STS: variants seen among roughly 807,000 people sequenced by gnomAD.
STS encodes steroid sulfatase.
Under a neutral mutation model 26.8 loss-of-function variants are expected in STS, and 7 were observed. The observed-to-expected ratio is 0.26, with a 90% CI of 0.15 to 0.49. The LOEUF is 0.49. Among genes scored for constraint, STS ranks in the 20% least tolerant of loss-of-function variants. The pLI, the probability that STS is intolerant of heterozygous loss-of-function variation, is 0.98. For synonymous variants in STS, 199 were observed against 189.4 expected (o/e 1.05, Z -0.42); for missense variants, 434 against 465.6 (o/e 0.93, Z 0.63).
intron 9 of STS, among the ~76,000 whole-genome samples, chrX:7,327,206 G>C (rs1164026677): frequency 4.5e-5 from 5 of 110,673 alleles, no homozygotes; most frequent in African/African-American, 1.6e-4. Context: ...AAAGGTGATA[G>C]TGAGAAAGAC....
chrX:7,153,764 TTCC>T (rs1351459065), intron 1 of STS, among the ~76,000 whole-genome samples: 1 of 96,493 alleles, frequency 1.0e-5, no homozygotes, highest in Non-Finnish European at 2.1e-5. Context: ...CTCCCTTCCT[TTCC>T]TCCTTCTCTC....
intron 2 of STS, among the ~76,000 whole-genome samples, chrX:7,234,102 C>G (rs1230809343): frequency 9.0e-6 from 1 of 111,716 alleles, no homozygotes; most frequent in East Asian, 2.8e-4. Context: ...GCCTGATTTC[C>G]CCTGTAACAT....
At chrX:7,228,300 G>T (rs886432122) in intron 2 of STS, among the ~76,000 whole-genome samples, 1 of 111,516 alleles carries the variant, frequency 9.0e-6, no homozygotes, top group South Asian at 3.8e-4. Context: ...AGGAAATTCT[G>T]TACTGTTTTT....
chrX:7,242,541 A>G (rs999205165), intron 2 of STS, among the ~76,000 whole-genome samples: 13 of 109,851 alleles, frequency 1.2e-4, no homozygotes, highest in Non-Finnish European at 1.9e-4. Flanking sequence ...TTGAGGCTGC[A>G]GTGAGCCGTG....
In STS at chrX:7,295,684, A is replaced by C. The variant is rs139315071; in HGVS notation, c.944-9362A>C. 1.4e-3 allele frequency among the ~76,000 whole-genome samples: 152 copies of C among 111,156 alleles called. 1 individual carries two copies. Among genetic ancestry groups the C allele is most frequent in the African/African-American group, 4.7e-3 (145 of 30,631 alleles). ...CATTGGTATTAAGGATCTTGGGGAAAGATCTGCTTCTCTCGACTAACACTG... is the reference window on the plus strand; with the variant it reads ...CATTGGTATTAAGGATCTTGGGGAACGATCTGCTTCTCTCGACTAACACTG... On this transcript the variant is annotated intron_variant, in intron 7 of 10. Coordinates refer to ENST00000674429, the MANE Select transcript of STS (RefSeq NM_001320752.2).
chrX:7,170,333 C>T (rs1286342284), intron 1 of STS, among the ~76,000 whole-genome samples: 1 of 108,367 alleles, frequency 9.2e-6, no homozygotes, highest in Admixed American at 9.9e-5. Flanking sequence ...GGGAGGGGTA[C>T]GGGGGGTGTC....
intron 2 of STS, among the ~76,000 whole-genome samples, chrX:7,249,132 A>G (rs1323185900): frequency 9.0e-6 from 1 of 110,572 alleles, no homozygotes; most frequent in African/African-American, 3.3e-5. Context: ...GAGAAGCAGT[A>G]TGGGCCATAG....
At chrX:7,333,769 G>A (rs1382160751) in intron 9 of STS, among the ~76,000 whole-genome samples, 2 of 112,712 alleles carry the variant, frequency 1.8e-5, no homozygotes, top group Non-Finnish European at 3.7e-5. Flanking sequence ...TGTGCAGTGG[G>A]GATGACAGTA....
intron 8 of STS, among the ~76,000 whole-genome samples, chrX:7,320,014 TTATA>T (rs1320877104): frequency 2.3e-5 from 2 of 87,772 alleles, no homozygotes; most frequent in East Asian, 6.2e-4. Flanking sequence ...ATATATATAT[TTATA>T]TATATTTATA....
chrX:7,265,272 C>T (rs747156364), intron 6 of STS, among the ~76,000 whole-genome samples: 2 of 111,667 alleles, frequency 1.8e-5, no homozygotes, highest in African/African-American at 6.5e-5. Flanking sequence ...TCTTCATCTA[C>T]CACAAATCTC....
In STS at chrX:7,257,351, C is replaced by G; in HGVS notation, c.247C>G (p.Pro83Ala). Residue 83 changes from proline (P) to alanine (A), a missense_variant, in exon 4 of 11, where the codon CCT becomes GCT. Around this residue, in one of 2 missense-constraint regions of STS, gnomAD observed 229 missense variants for 288.3 expected, o/e 0.79. Transcript: ENST00000674429. ...GGCAGCCTTCATGACTGGCCGGTAC[C>G]CTGTCCGATCAGGTAACCTCCTATC... ...SRAAFMTGRY[P>A]VRSGMASWSR... 8.3e-7 allele frequency: 1 copy of G among 1,211,795 alleles called. No individual in the cohort carries two copies. Among genetic ancestry groups the G allele is most frequent in the Non-Finnish European group, 1.1e-6 (1 of 895,320 alleles).
chrX:7,202,551 G>A (rs968073519), intron 2 of STS, among the ~76,000 whole-genome samples: 1 of 111,770 alleles, frequency 8.9e-6, no homozygotes, highest in Admixed American at 9.6e-5. Flanking sequence ...ACGTTAGGTG[G>A]AACTGTTGTA....
chrX:7,259,489 A>G lies in STS; in HGVS notation c.523A>G (p.Thr175Ala). Residue 175 changes from threonine (T) to alanine (A), a missense_variant, in exon 6 of 11, where the codon ACG becomes GCG. Coordinates refer to ENST00000674429, the MANE Select transcript of STS (RefSeq NM_001320752.2). Reference sequence around the variant, plus strand: ...GCCCGGAGAGGGCAGTGTCTTCACCACGGGCTTCAAGAGGCTGGTCTTCCT... The same window carrying G: ...GCCCGGAGAGGGCAGTGTCTTCACCGCGGGCTTCAAGAGGCTGGTCTTCCT... Reference protein sequence around the residue: ...CKPGEGSVFTTGFKRLVFLPL... With the variant: ...CKPGEGSVFTAGFKRLVFLPL... 8.3e-7 allele frequency: 1 copy of G among 1,211,524 alleles called. No homozygotes were observed. Among genetic ancestry groups the G allele is most frequent in the Admixed American group, 2.2e-5 (1 of 46,035 alleles).
Position 7,209,366 on chromosome X carries a change from T to C in STS, c.-5+18358T>C, listed in dbSNP as rs373533919. ...ATTTATTTTCATATTATGTATTTTA[T>C]ATATAATTTTATATATAAATGCATA... On this transcript the variant is annotated intron_variant, in intron 2 of 10. Coordinates refer to ENST00000674429, the MANE Select transcript of STS (RefSeq NM_001320752.2). 1.0e-4 allele frequency among the ~76,000 whole-genome samples: 11 copies of C among 107,195 alleles called. No individual in the cohort carries two copies. In the East Asian group the frequency reaches 2.8e-3, roughly 28 times the overall value. 93.1% of individuals were successfully genotyped at this position (107,195 alleles called of 115,157 possible). A position where few individuals can be genotyped will look rare whatever the true frequency, so the allele number is the denominator to read the frequency against.
chrX:7,175,152 A>G (rs113506709), intron 1 of STS, among the ~76,000 whole-genome samples: 14 of 95,097 alleles, frequency 1.5e-4, no homozygotes, highest in Admixed American at 6.4e-4. Context: ...TCCAAATTCT[A>G]TCTTTTTCAC....
intron 8 of STS, among the ~76,000 whole-genome samples, chrX:7,320,115 G>T (rs1926949187): frequency 4.7e-5 from 4 of 84,273 alleles, no homozygotes; most frequent in Admixed American, 1.4e-4. Context: ...TTTTATATAA[G>T]TATTATTTTA....
At chrX:7,182,158 G>A (rs1343151858) in intron 1 of STS, among the ~76,000 whole-genome samples, 1 of 111,626 alleles carries the variant, frequency 9.0e-6, no homozygotes, top group African/African-American at 3.3e-5. Flanking sequence ...AGCATCCCGC[G>A]ATATTGGCTT....
rs1477179869 is a variant in STS at position 7,279,292 on chromosome X, A to AAAAAT, written c.943+3206_943+3207insAAATA. On this transcript the variant is annotated intron_variant, in intron 7 of 10. Transcript: ENST00000674429. ...GTACTCCAGGAAGAAAAAAAAAAAA[A>AAAAAT]ATATATATATATATATATATGTGTG... Among the ~76,000 whole-genome samples the AAAAAT allele has an allele frequency of 1.7e-3, 104 of 62,736 alleles. 2 individuals carry two copies. Among genetic ancestry groups the AAAAAT allele is most frequent in the African/African-American group, 6.2e-3 (99 of 16,046 alleles). 54.5% of individuals were successfully genotyped at this position (62,736 alleles called of 115,157 possible).
At chrX:7,178,494 T>G (rs1388361944) in intron 1 of STS, among the ~76,000 whole-genome samples, 1 of 111,602 alleles carries the variant, frequency 9.0e-6, no homozygotes, top group Non-Finnish European at 1.9e-5. Flanking sequence ...ATCGACTGAG[T>G]TCATCTGTTT....
Sources: allele counts gnomAD v4.1 joint callset (sites outside exome capture counted in the v4.1 genomes callset), GRCh38; gene constraint gnomAD v4.1.1; regional missense constraint gnomAD v4.1.1; transcripts MANE v1.5; gene names NCBI Gene and HGNC (gene_info 2026-07-23, HGNC 2026-07-21).